PRKCB: variants seen among roughly 807,000 people sequenced by gnomAD.
The protein encoded by PRKCB is protein kinase C beta, also known as protein kinase C beta type.
Under a neutral mutation model 81.5 loss-of-function variants are expected in PRKCB, and 13 were observed. The ratio of observed to expected loss-of-function variants is 0.16; its 90% CI spans 0.10 to 0.25. The LOEUF is 0.25. PRKCB is among the 10% of genes least tolerant of loss of function. The pLI is 1.00. For missense variants in PRKCB, 509 were observed against 875.7 expected (o/e 0.58, Z 5.29); for synonymous variants, 335 against 321.4 (o/e 1.04, Z -0.45).
rs149187060 is a variant in PRKCB, at chr16:24,082,319, C to T, written c.530-10472C>T. Among the ~76,000 whole-genome samples, 492 of 152,234 alleles carry T rather than the reference C, an allele frequency of 3.2e-3. 2 individuals carry two copies. The highest frequency in any genetic ancestry group is 0.011 in the African/African-American group (466 of 41,532). ...TTTGTAGGCTTAATGAAATTCAAGT[C>T]AAAATCCCAGCAGGATTTTTTGTAT... On this transcript the variant is annotated intron_variant, in intron 5 of 16. Coordinates refer to ENST00000643927, the MANE Select transcript of PRKCB (RefSeq NM_002738.7).
chr16:23,899,413 G>T (rs1963430722), intron 2 of PRKCB, among the ~76,000 whole-genome samples: 1 of 152,170 alleles, frequency 6.6e-6, no homozygotes, highest in African/African-American at 2.4e-5. Context: ...ATCTCCCCCA[G>T]ATCTCTCTGC....
intron 4 of PRKCB, among the ~76,000 whole-genome samples, chr16:24,034,510 G>A (rs1302273865): frequency 6.6e-6 from 1 of 152,248 alleles, no homozygotes; most frequent in Non-Finnish European, 1.5e-5. Context: ...ATACTCTACG[G>A]AGGAGTGCGC....
At chr16:23,984,674 G>A (rs887243299) in intron 2 of PRKCB, among the ~76,000 whole-genome samples, 2 of 152,172 alleles carry the variant, frequency 1.3e-5, no homozygotes, top group Admixed American at 1.3e-4. Context: ...AAGAGAAAAG[G>A]TGTAATATCA....
chr16:23,848,152 G>A (rs1022807766), intron 2 of PRKCB, among the ~76,000 whole-genome samples: 3 of 152,160 alleles, frequency 2.0e-5, no homozygotes, highest in South Asian at 2.1e-4. Flanking sequence ...GGAGGTGAAC[G>A]TCATATCAGA....
chr16:23,947,359 C>T (rs1159330134), intron 2 of PRKCB, among the ~76,000 whole-genome samples: 1 of 152,214 alleles, frequency 6.6e-6, no homozygotes, highest in Non-Finnish European at 1.5e-5. Context: ...TATTAGTTTG[C>T]TGCGGAAGAT....
intron 2 of PRKCB, among the ~76,000 whole-genome samples, chr16:23,971,778 CA>C (rs1298631854): frequency 3.9e-5 from 6 of 152,064 alleles, no homozygotes; most frequent in African/African-American, 1.4e-4. Context: ...ATCTAGAATG[CA>C]AAACATATTA....
At chr16:24,043,021 G>A (rs1378475653) in intron 5 of PRKCB, among the ~76,000 whole-genome samples, 5 of 152,196 alleles carry the variant, frequency 3.3e-5, no homozygotes, top group African/African-American at 1.2e-4. Context: ...ATAGATGTGA[G>A]CCACTGTGCC....
chr16:23,926,425 A>C (rs1963897125), intron 2 of PRKCB, among the ~76,000 whole-genome samples: 1 of 151,840 alleles, frequency 6.6e-6, no homozygotes, highest in Non-Finnish European at 1.5e-5. Context: ...TGGAGGTTGC[A>C]GTGAGCCGAG....
chr16:24,159,637 C>T (rs751464650), intron 10 of PRKCB, among the ~76,000 whole-genome samples: 2 of 152,184 alleles, frequency 1.3e-5, no homozygotes, highest in East Asian at 1.9e-4. Context: ...ACCCCAAACC[C>T]GGAAGCCTTT....
chr16:23,911,127 G>GTTTTTTTTTTTTTTT (rs1567310884), intron 2 of PRKCB, among the ~76,000 whole-genome samples: 6 of 11,786 alleles, frequency 5.1e-4, no homozygotes, highest in East Asian at 2.7e-3. Context: ...ACGTATATAT[G>GTTTTTTTTTTTTTTT]CTTTTTTTTT....
intron 15 of PRKCB, among the ~76,000 whole-genome samples, chr16:24,187,644 G>A (rs1462142637): frequency 1.3e-5 from 2 of 151,062 alleles, no homozygotes; most frequent in Non-Finnish European, 2.9e-5. Context: ...TACTTTCTAG[G>A]CACAAGGTGT....
At chr16:24,159,893 G>A (rs1169599971) in intron 10 of PRKCB, among the ~76,000 whole-genome samples, 1 of 152,094 alleles carries the variant, frequency 6.6e-6, no homozygotes, top group East Asian at 1.9e-4. Flanking sequence ...GCTGTGGTGG[G>A]AGGGTCAACT....
chr16:24,125,107 G>T (rs78754656), intron 9 of PRKCB, among the ~76,000 whole-genome samples: 36 of 24,596 alleles, frequency 1.5e-3, no homozygotes, highest in East Asian at 8.5e-3. Context: ...TCCCAATCTT[G>T]TTACCTATAA....
At chr16:23,872,600 T>C (rs2141100230) in intron 2 of PRKCB, among the ~76,000 whole-genome samples, 1 of 152,308 alleles carries the variant, frequency 6.6e-6, no homozygotes, top group Admixed American at 6.5e-5. Context: ...AGATTCTGGC[T>C]CTGCCACTTC....
chr16:23,904,240 C>T (rs1423382412), intron 2 of PRKCB, among the ~76,000 whole-genome samples: 1 of 152,160 alleles, frequency 6.6e-6, no homozygotes, highest in Admixed American at 6.5e-5. Flanking sequence ...TCCTATGTTC[C>T]AGCTGTGTGA....
rs76583739 is a variant in PRKCB, at chr16:23,845,807, T to C, written c.205+8401T>C. On this transcript the variant is annotated intron_variant, in intron 2 of 16. Transcript: ENST00000643927. The stretch of plus-strand genomic sequence containing the variant: ...ATCTCCTCTTAGTTAATAACTCAGA[T>C]AATGAGCTGACTTCCTTTTTGTTTA... 8.0e-3 allele frequency among the ~76,000 whole-genome samples: 1,216 copies of C among 152,346 alleles called. 22 individuals are homozygous for C. Among genetic ancestry groups the C allele is most frequent in the African/African-American group, 0.028 (1,147 of 41,580 alleles).
intron 2 of PRKCB, among the ~76,000 whole-genome samples, chr16:23,933,531 A>C (rs142070024): frequency 1.6e-3 from 251 of 152,300 alleles, no homozygotes; most frequent in African/African-American, 5.9e-3. Context: ...GGGGAAGATA[A>C]TATTTTAAAT....
intron 5 of PRKCB, among the ~76,000 whole-genome samples, chr16:24,074,203 G>GA (rs937137185): frequency 9.2e-5 from 14 of 152,082 alleles, no homozygotes; most frequent in Non-Finnish European, 5.9e-5. Context: ...TAGAATGTGT[G>GA]ACCATGGTTA....
intron 7 of PRKCB, 43 bp downstream of exon 7, chr16:24,094,340 C>T (rs1966412658): frequency 6.3e-7 from 1 of 1,599,896 alleles, no homozygotes; most frequent in Non-Finnish European, 8.5e-7. Flanking sequence ...CAGCTTGCTC[C>T]ATCAAACGCG....
Sources: allele counts gnomAD v4.1 joint callset (sites outside exome capture counted in the v4.1 genomes callset), GRCh38; gene constraint gnomAD v4.1.1; transcripts MANE v1.5; gene names NCBI Gene and HGNC (gene_info 2026-07-23, HGNC 2026-07-21).